TNS3: variants seen among roughly 807,000 people sequenced by gnomAD.
The protein encoded by TNS3 is tensin 3.
TNS3 carries 45 observed loss-of-function variants against 140.9 expected under a neutral mutation model. That is an observed-to-expected ratio of 0.32 (90% CI 0.25 to 0.41). TNS3 has a LOEUF of 0.41. Among genes scored for constraint, TNS3 ranks in the 10% least tolerant of loss-of-function variants. The probability of loss-of-function intolerance (pLI) is 1.00; values close to 1 mark genes in which losing one functional copy is unlikely to be tolerated. For synonymous variants in TNS3, 815 were observed against 788.4 expected (o/e 1.03, Z -0.56); for missense variants, 1,716 against 1,906.7 (o/e 0.90, Z 1.86).
intron 1 of TNS3, among the ~76,000 whole-genome samples, chr7:47,536,662 C>G (rs1046856848): frequency 7.9e-5 from 12 of 152,200 alleles, no homozygotes; most frequent in African/African-American, 2.9e-4. Context: ...GAACCCTCTT[C>G]CACGCTTACC....
chr7:47,530,311 A>G (rs1799345555), intron 1 of TNS3, among the ~76,000 whole-genome samples: 1 of 152,202 alleles, frequency 6.6e-6, no homozygotes, highest in African/African-American at 2.4e-5. Context: ...TGAAGACATC[A>G]CAGTACGAAC....
At position 47,557,940 on chromosome 7, in the gene TNS3, G is replaced by A. The variant is rs868863453; in HGVS notation, c.-265+24111C>T. The stretch of plus-strand genomic sequence containing the variant: ...GATGGCCTCTTTTCCAGAGGGCTGC[G>A]TAGAAGGCCTGCGGTGAGCAGGCCT... On this transcript the variant is annotated intron_variant, in intron 1 of 30. Transcript: ENST00000311160. Among the ~76,000 whole-genome samples the A allele has an allele frequency of 6.0e-4, 92 of 152,202 alleles. 2 individuals carry two copies. Among genetic ancestry groups the A allele is most frequent in the Non-Finnish European group, 1.5e-4 (10 of 68,040 alleles).
Position 47,303,595 on chromosome 7 carries a change from G to A in TNS3, c.2823-11C>T. 6.3e-7 allele frequency: 1 copy of A among 1,576,196 alleles called. No individual in the cohort carries two copies. Among genetic ancestry groups the A allele is most frequent in the Middle Eastern group, 1.7e-4 (1 of 6,018 alleles). On this transcript the variant is annotated splice_polypyrimidine_tract_variant and intron_variant, in intron 21 of 30. Transcript: ENST00000311160. ...TCTGCAGAAGAGGAGCTGTTCAAAA[G>A]ACAAGCCGACCAAGACAGCATGTAA...
Position 47,497,697 on chromosome 7 carries a change from A to ACACACACACACACACACG in TNS3, c.-115+9209_-115+9210insCGTGTGTGTGTGTGTGTG, listed in dbSNP as rs139313048. Reference sequence around the variant, plus strand: ...CACACACACACACACACACACACACAGAGCAGGAAATGTTCACCGCGTGCT... The same window carrying ACACACACACACACACACG: ...CACACACACACACACACACACACACACACACACACACACACACGGAGCAGGAAATGTTCACCGCGTGCT... On this transcript the variant is annotated intron_variant, in intron 3 of 30. Coordinates refer to ENST00000311160, the MANE Select transcript of TNS3 (RefSeq NM_022748.12). Among the ~76,000 whole-genome samples, 419 of 148,514 alleles carry ACACACACACACACACACG rather than the reference A, an allele frequency of 2.8e-3. 7 individuals are homozygous for ACACACACACACACACACG. Among genetic ancestry groups the ACACACACACACACACACG allele is most frequent in the South Asian group, 5.6e-3 (26 of 4,616 alleles).
At chr7:47,329,702 C>A (rs906747136) in intron 20 of TNS3, among the ~76,000 whole-genome samples, 4 of 152,164 alleles carry the variant, frequency 2.6e-5, no homozygotes, top group African/African-American at 7.2e-5. Flanking sequence ...GATGGACTGG[C>A]CTTTCCCGTG....
At position 47,304,888 on chromosome 7, in the gene TNS3, C is replaced by A. The variant is rs1215285382; in HGVS notation, c.2766G>T (p.Gln922His). 7.1e-7 allele frequency: 1 copy of A among 1,415,460 alleles called. No homozygotes were observed. 87.7% of individuals were successfully genotyped at this position (1,415,460 alleles called of 1,614,324 possible). A position where few individuals can be genotyped will look rare whatever the true frequency, so the allele number is the denominator to read the frequency against. Reference sequence around the variant, plus strand: ...AAATGGTGCAGGAAGAAGCAAAAGCCTGCTGAAAGGAGGGCGTCGAGGACG... The same window carrying A: ...AAATGGTGCAGGAAGAAGCAAAAGCATGCTGAAAGGAGGGCGTCGAGGACG... ...ADASSTPSFQQAFASSCTISS... is the reference protein window; with the variant it reads ...ADASSTPSFQHAFASSCTISS... The change falls in exon 21 of 31, where the codon CAG (glutamine) becomes CAT (histidine). Residue 922 changes from glutamine (Q) to histidine (H), a missense_variant. By Grantham distance (24) the Gln-to-His change is conservative. Coordinates refer to ENST00000311160, the MANE Select transcript of TNS3 (RefSeq NM_022748.12).
intron 2 of TNS3, among the ~76,000 whole-genome samples, chr7:47,527,358 T>G (rs1319264845): frequency 6.6e-6 from 1 of 152,184 alleles, no homozygotes; most frequent in Non-Finnish European, 1.5e-5. Context: ...ACAAAGCCCC[T>G]ACTGGACCCT....
chr7:47,315,365 G>A (rs1432254619), intron 20 of TNS3, among the ~76,000 whole-genome samples: 2 of 152,242 alleles, frequency 1.3e-5, no homozygotes, highest in African/African-American at 4.8e-5. Context: ...AGCCCCCCGG[G>A]ACCGGGCTAG....
At chr7:47,412,460 A>G (rs1349338999) in intron 12 of TNS3, among the ~76,000 whole-genome samples, 1 of 152,228 alleles carries the variant, frequency 6.6e-6, no homozygotes, top group Non-Finnish European at 1.5e-5. Flanking sequence ...CTCTACAAAA[A>G]TATGAAATTT....
At chr7:47,416,011 T>C (rs1794061840) in intron 10 of TNS3, among the ~76,000 whole-genome samples, 2 of 152,264 alleles carry the variant, frequency 1.3e-5, no homozygotes, top group Admixed American at 1.3e-4. Context: ...CTGTCCTGCC[T>C]GTTGGTGCCC....
intron 16 of TNS3, among the ~76,000 whole-genome samples, chr7:47,379,356 T>G (rs1396510618): frequency 6.6e-6 from 1 of 152,246 alleles, no homozygotes; most frequent in Non-Finnish European, 1.5e-5. Context: ...ATGTATAACC[T>G]CTCACTCAAA....
At chr7:47,344,685 G>GT in intron 20 of TNS3, 70 bp downstream of exon 20, 1 of 1,415,730 alleles carries the variant, frequency 7.1e-7, no homozygotes, top group Non-Finnish European at 9.8e-7. Context: ...GTTCTTCTCT[G>GT]TAAAAATGGC....
intron 16 of TNS3, among the ~76,000 whole-genome samples, chr7:47,371,521 A>C (rs1791070977): frequency 6.6e-6 from 1 of 152,152 alleles, no homozygotes; most frequent in African/African-American, 2.4e-5. Context: ...GAGGGCACAC[A>C]CCTGGAGGCT....
rs1246326369 is a variant in TNS3 at position 47,439,539 on chromosome 7, T to C, written c.98A>G (p.Asn33Ser). Residue 33 changes from asparagine (N) to serine (S), a missense_variant, in exon 6 of 31, where the codon AAC becomes AGC. This residue lies in a region of TNS3 where 337 missense variants were observed against 428.9 expected (regional missense o/e 0.79). Coordinates refer to ENST00000311160, the MANE Select transcript of TNS3 (RefSeq NM_022748.12). Reference protein sequence around the residue: ...AGCSEESYLHNLQEVTRMLKS... With the variant: ...AGCSEESYLHSLQEVTRMLKS... ...GAGCATGCGCGTGACCTCCTGTAGGTTGTGCAGGTAGGACTCCTCAGAGCA... is the reference window on the plus strand; with the variant it reads ...GAGCATGCGCGTGACCTCCTGTAGGCTGTGCAGGTAGGACTCCTCAGAGCA... The C allele has an allele frequency of 2.5e-6, 4 of 1,613,860 alleles. No individual in the cohort carries two copies. The East Asian group carries it at 6.7e-5, about 27-fold the overall frequency.
At chr7:47,521,039 G>A (rs1166914680) in intron 2 of TNS3, among the ~76,000 whole-genome samples, 1 of 152,130 alleles carries the variant, frequency 6.6e-6, no homozygotes, top group Non-Finnish European at 1.5e-5. Context: ...CACCTACTGG[G>A]CTCTAGGCCC....
At chr7:47,421,447 T>C (rs1193928766) in intron 10 of TNS3, among the ~76,000 whole-genome samples, 1 of 151,844 alleles carries the variant, frequency 6.6e-6, no homozygotes, top group African/African-American at 2.4e-5. Flanking sequence ...TTTTTTTTTT[T>C]TTTCTGATAG....
intron 10 of TNS3, among the ~76,000 whole-genome samples, chr7:47,423,401 C>A (rs1176412476): frequency 6.6e-6 from 1 of 152,210 alleles, no homozygotes; most frequent in African/African-American, 2.4e-5. Context: ...TGCTCAGGTT[C>A]TTGACCTCAG....
intron 8 of TNS3, among the ~76,000 whole-genome samples, chr7:47,431,020 G>T (rs1440832276): frequency 6.6e-6 from 1 of 152,102 alleles, no homozygotes; most frequent in African/African-American, 2.4e-5. Context: ...ACCGCGCCTG[G>T]CCTCAAGTAT....
chr7:47,446,688 C>CTTTTTTTTTTTTTTTTTTTTTTTTTTTTT (rs144042398), intron 4 of TNS3, among the ~76,000 whole-genome samples: 1 of 96,680 alleles, frequency 1.0e-5, no homozygotes, highest in African/African-American at 4.5e-5. Flanking sequence ...TCCAGGCTGC[C>CTTTTTTTTTTTTTTTTTTTTTTTTTTTTT]TTTTTTTTTT....
Sources: gnomAD v4.1 joint callset for allele counts (sites outside exome capture counted in the v4.1 genomes callset) on GRCh38, gnomAD v4.1.1 for gene constraint, gnomAD v4.1.1 regional missense constraint, MANE v1.5 for transcripts, NCBI Gene and HGNC (gene_info 2026-07-23, HGNC 2026-07-21) for gene names.